MYO1E: variants seen among roughly 807,000 people sequenced by gnomAD.
MYO1E encodes unconventional myosin-Ie.
A neutral mutation model predicts 151.1 loss-of-function variants in MYO1E; 68 were observed. The ratio of observed to expected loss-of-function variants is 0.45; its 90% CI spans 0.37 to 0.55. The LOEUF (loss-of-function observed/expected upper bound fraction) is 0.55. MYO1E is among the 20% of genes least tolerant of loss of function. The pLI, the probability that MYO1E is intolerant of heterozygous loss-of-function variation, is 0.00. For missense variants in MYO1E, 1,363 were observed against 1,389.3 expected (o/e 0.98, Z 0.30); for synonymous variants, 601 against 501.7 (o/e 1.20, Z -2.64).
chr15:59,300,382 GCA>G, intron 1 of MYO1E, among the ~76,000 whole-genome samples: 1 of 152,116 alleles, frequency 6.6e-6, no homozygotes, highest in Admixed American at 6.5e-5. Context: ...TTTCTGGTGT[GCA>G]CACACACCCC....
chr15:59,174,914 G>A lies in MYO1E; in HGVS notation c.2050-674C>T, dbSNP rs545872824. ...ACCACATCAGCCTCTAGCAGGTCTTGAGAGTCCGGCCATTTTACCAATGAA... is the reference window on the plus strand; with the variant it reads ...ACCACATCAGCCTCTAGCAGGTCTTAAGAGTCCGGCCATTTTACCAATGAA... On this transcript the variant is annotated intron_variant, in intron 19 of 27. Transcript: ENST00000288235. Among the ~76,000 whole-genome samples the A allele has an allele frequency of 2.7e-4, 41 of 152,264 alleles. No homozygotes were observed. The South Asian group carries it at 8.3e-3, about 31-fold the overall frequency.
rs781033525 is a variant in MYO1E, at chr15:59,158,337, C to G, written c.2828G>C (p.Ser943Thr). 2.5e-6 allele frequency: 4 copies of G among 1,575,276 alleles called. No homozygotes were observed. The South Asian group carries it at 3.5e-5, about 14-fold the overall frequency. The change falls in exon 25 of 28, where the codon AGT (serine) becomes ACT (threonine). Residue 943 changes from serine (S) to threonine (T), a missense_variant. Transcript: ENST00000288235. ...TGGGTAGTTGGCATTTTGAGTCCCACTGGAATAACCTGTATTTTGGGTAGT... is the reference window on the plus strand; with the variant it reads ...TGGGTAGTTGGCATTTTGAGTCCCAGTGGAATAACCTGTATTTTGGGTAGT... ...RNTTQNTGYS[S>T]GTQNANYPVR...
intron 1 of MYO1E, among the ~76,000 whole-genome samples, chr15:59,276,114 C>T (rs1264573108): frequency 1.3e-5 from 2 of 152,148 alleles, no homozygotes; most frequent in Admixed American, 1.3e-4. Context: ...CCTTCGCACC[C>T]GTTTTGCCCC....
chr15:59,332,859 G>A (rs979475582), intron 1 of MYO1E, among the ~76,000 whole-genome samples: 6 of 151,944 alleles, frequency 3.9e-5, no homozygotes, highest in African/African-American at 1.5e-4. Context: ...CACCACGACC[G>A]GCCCTGGGAT....
At chr15:59,201,835 T>TAG (rs1370890774) in intron 16 of MYO1E, among the ~76,000 whole-genome samples, 3 of 152,214 alleles carry the variant, frequency 2.0e-5, no homozygotes, top group African/African-American at 7.2e-5. Flanking sequence ...ACCATGTGGC[T>TAG]AGATGTGTCT....
At position 59,350,508 on chromosome 15, in the gene MYO1E, A is replaced by T. The variant is rs1463010151; in HGVS notation, c.3+21990T>A. Among the ~76,000 whole-genome samples the T allele has an allele frequency of 6.6e-6, 1 of 152,220 alleles. No individual in the cohort carries two copies. Among genetic ancestry groups the T allele is most frequent in the Non-Finnish European group, 1.5e-5 (1 of 68,044 alleles). On this transcript the variant is annotated intron_variant, in intron 1 of 27. Transcript: ENST00000288235. This position sits in a 1 kb window ranked among gnomAD's most constrained non-coding sequence, Gnocchi z 5.0. ...AGGAGAATGTAGTGTCTGCCCTCAG[A>T]GACTACATGCATTACTGAGAGGAAA...
At chr15:59,200,949 C>G (rs1028528194) in intron 16 of MYO1E, among the ~76,000 whole-genome samples, 2 of 152,106 alleles carry the variant, frequency 1.3e-5, no homozygotes, top group South Asian at 4.1e-4. Flanking sequence ...AAACTCAAAG[C>G]CCTGCTGTCA....
chr15:59,160,923 A>G, intron 24 of MYO1E, 150 bp downstream of exon 24: 1 of 1,117,318 alleles, frequency 9.0e-7, no homozygotes, highest in Non-Finnish European at 1.3e-6. Flanking sequence ...TTTAGTTTGA[A>G]ATGTTCCATT....
At chr15:59,180,649 G>A (rs560110280) in intron 18 of MYO1E, among the ~76,000 whole-genome samples, 6 of 151,816 alleles carry the variant, frequency 4.0e-5, no homozygotes, top group Non-Finnish European at 8.8e-5. Flanking sequence ...AATTGCCTGG[G>A]GCTTCCTTTG....
At chr15:59,206,841 G>C (rs1448637735) in intron 14 of MYO1E, 1 of 1,265,624 alleles carries the variant, frequency 7.9e-7, no homozygotes, top group African/African-American at 1.5e-5. Context: ...CGCACCTGCC[G>C]TAGAGTGCTG....
At chr15:59,212,455 T>C (rs1182218649) in intron 12 of MYO1E, among the ~76,000 whole-genome samples, 6 of 152,074 alleles carry the variant, frequency 3.9e-5, no homozygotes, top group African/African-American at 1.4e-4. Context: ...CTTTGATGTG[T>C]GTAATGGCTT....
chr15:59,194,475 C>T (rs1333101157), intron 17 of MYO1E, among the ~76,000 whole-genome samples: 6 of 152,182 alleles, frequency 3.9e-5, no homozygotes, highest in South Asian at 4.1e-4. Flanking sequence ...ACCTGTCCCT[C>T]GCAGGAGATA....
chr15:59,202,640 G>A (rs1241948568), intron 15 of MYO1E, among the ~76,000 whole-genome samples: 1 of 152,214 alleles, frequency 6.6e-6, no homozygotes, highest in East Asian at 1.9e-4. Context: ...ATCAAAGACT[G>A]CAAAATAAAT....
intron 26 of MYO1E, among the ~76,000 whole-genome samples, chr15:59,139,755 TC>T (rs1162027321): frequency 2.0e-5 from 3 of 150,714 alleles, no homozygotes; most frequent in Non-Finnish European, 4.4e-5. Context: ...CAGACTTCCC[TC>T]CCGTCCCTCA....
chr15:59,264,100 G>T (rs1249138359), intron 2 of MYO1E, among the ~76,000 whole-genome samples: 1 of 152,034 alleles, frequency 6.6e-6, no homozygotes, highest in Non-Finnish European at 1.5e-5. Flanking sequence ...ATTTTGGAAC[G>T]TTTGCATTAC....
chr15:59,236,761 CAAACAAAA>C (rs1384860621), intron 4 of MYO1E, 89 bp from the exon 5 acceptor site: 2 of 1,253,174 alleles, frequency 1.6e-6, no homozygotes, highest in East Asian at 2.3e-5. Context: ...AACAAACAAA[CAAACAAAA>C]AAACAAAAAA....
At chr15:59,318,923 T>G (rs1207426971) in intron 1 of MYO1E, among the ~76,000 whole-genome samples, 2 of 152,048 alleles carry the variant, frequency 1.3e-5, no homozygotes, top group Non-Finnish European at 2.9e-5. Flanking sequence ...ATTTTAAGCC[T>G]CAGAGAAGAC....
At chr15:59,253,296 C>A (rs2080175544) in intron 4 of MYO1E, among the ~76,000 whole-genome samples, 1 of 152,092 alleles carries the variant, frequency 6.6e-6, no homozygotes, top group Admixed American at 6.6e-5. Context: ...CTAATAACTG[C>A]AGAAAAATAA....
intron 14 of MYO1E, chr15:59,207,020 C>T (rs1369853493): frequency 6.2e-7 from 1 of 1,614,204 alleles, no homozygotes; most frequent in Middle Eastern, 1.6e-4. Flanking sequence ...CTGGGGATGG[C>T]CCTGTGTCCG....
Sources: gnomAD v4.1 joint callset for allele counts (sites outside exome capture counted in the v4.1 genomes callset) on GRCh38, gnomAD v4.1.1 for gene constraint, Gnocchi (gnomAD v3.1) non-coding constraint, MANE v1.5 for transcripts, NCBI Gene and HGNC (gene_info 2026-07-23, HGNC 2026-07-21) for gene names.